The following RAPGEF1 variants were observed in gnomAD, a reference collection of about 807,000 sequenced individuals.
RAPGEF1 encodes the protein CRK SH3-binding GNRP.
Under a neutral mutation model 143.3 loss-of-function variants are expected in RAPGEF1, and 33 were observed. That is an observed-to-expected ratio of 0.23 (90% confidence interval 0.17 to 0.31). The LOEUF is 0.31. RAPGEF1 is among the 10% of genes least tolerant of loss of function. The pLI is 1.00. For synonymous variants in RAPGEF1, 629 were observed against 676.5 expected, an observed-to-expected ratio of 0.93 and a Z score of 1.09; for missense variants, 1,199 against 1,645.4, an observed-to-expected ratio of 0.73 and a Z score of 4.69.
At chr9:131,703,697 C>G (rs1475540337) in intron 1 of RAPGEF1, among the ~76,000 whole-genome samples, 1 of 152,222 alleles carries the variant, frequency 6.6e-6, no homozygotes, top group Non-Finnish European at 1.5e-5. Context: ...ATAAAAAGCA[C>G]TCCTATGATC....
intron 1 of RAPGEF1, among the ~76,000 whole-genome samples, chr9:131,660,113 C>T (rs543820825): frequency 2.6e-5 from 4 of 152,294 alleles, no homozygotes; most frequent in African/African-American, 4.8e-5. Flanking sequence ...GCACTGCACC[C>T]GGCCTGGAGT....
At position 131,621,900 on chromosome 9, in the gene RAPGEF1, T is replaced by A. The variant is rs546552596; in HGVS notation, c.1801A>T (p.Lys601Ter). Reference sequence around the variant, plus strand: ...AAGCCGTATACCTCCATGAGGAGCTTGTTCTTCTGCTGGTAGATGTGCTCG... The same window carrying A: ...AAGCCGTATACCTCCATGAGGAGCTAGTTCTTCTGCTGGTAGATGTGCTCG... ...QNEHIYQQKN[K>*]LLMEVYGFSD... The change falls in exon 11 of 27, where the codon AAG becomes TAG. Residue 601 changes from lysine (K) to a stop codon, truncating the protein, a stop_gained. Coordinates refer to ENST00000683357, the MANE Select transcript of RAPGEF1 (RefSeq NM_001377935.1). LOFTEE classifies it high-confidence loss of function. The surrounding 1 kb of genome is among the most constrained non-coding windows in gnomAD (Gnocchi z 4.5). 1 of 1,613,738 alleles carries A rather than the reference T, an allele frequency of 6.2e-7. No individual in the cohort carries two copies. The highest frequency in any genetic ancestry group is 1.3e-5 in the African/African-American group (1 of 75,040).
intron 1 of RAPGEF1, among the ~76,000 whole-genome samples, chr9:131,677,137 C>T (rs1379584408): frequency 1.3e-5 from 2 of 152,224 alleles, no homozygotes; most frequent in Non-Finnish European, 2.9e-5. Flanking sequence ...ACTGGGGACA[C>T]CAGGGGAACT....
At chr9:131,601,036 G>A (rs545898422) in intron 15 of RAPGEF1, among the ~76,000 whole-genome samples, 1 of 152,190 alleles carries the variant, frequency 6.6e-6, no homozygotes, top group South Asian at 2.1e-4. Context: ...GCCGGGCATG[G>A]TGGCACATGC....
intron 1 of RAPGEF1, among the ~76,000 whole-genome samples, chr9:131,719,645 T>C (rs1459753408): frequency 2.1e-5 from 3 of 144,128 alleles, no homozygotes; most frequent in Non-Finnish European, 4.5e-5. Flanking sequence ...ACTTAGCCCA[T>C]GCAGTACCAG....
intron 1 of RAPGEF1, among the ~76,000 whole-genome samples, chr9:131,717,080 T>C (rs1419799317): frequency 6.6e-6 from 1 of 152,162 alleles, no homozygotes; most frequent in Non-Finnish European, 1.5e-5. Context: ...CTGCTTCACT[T>C]GGACCATGGC....
Position 131,688,540 on chromosome 9 carries a change from A to G in RAPGEF1, c.62-37591T>C, listed in dbSNP as rs1173592044. On this transcript the variant is annotated intron_variant, in intron 1 of 26. Transcript: ENST00000683357. The stretch of plus-strand genomic sequence containing the variant: ...CTTTGAAACTCTGTAAGAAATTTAC[A>G]TCTATAAAGGAAATCTCCATTTTGT... Among the ~76,000 whole-genome samples, 4 of 152,208 alleles carry G rather than the reference A, an allele frequency of 2.6e-5. No homozygotes were observed. In the South Asian group the frequency reaches 8.3e-4, roughly 31 times the overall value.
At chr9:131,674,948 T>C (rs1210858987) in intron 1 of RAPGEF1, among the ~76,000 whole-genome samples, 1 of 151,530 alleles carries the variant, frequency 6.6e-6, no homozygotes, top group East Asian at 2.0e-4. Context: ...CTCCCCAAGG[T>C]GAATGCTTAA....
chr9:131,722,073 G>A (rs561903760), intron 1 of RAPGEF1, among the ~76,000 whole-genome samples: 4 of 152,084 alleles, frequency 2.6e-5, no homozygotes, highest in East Asian at 1.9e-4. Flanking sequence ...AATCGATAAC[G>A]CCTTACATGT....
rs1209930386 is a variant in RAPGEF1, at chr9:131,577,351, A to G, written c.*2146T>C. ...GGGCCAGGCACAGGGTCTGTTCTGA[A>G]TTCAGGGAAGGTGAAGAGACCCCAC... is the stretch of plus-strand genomic sequence containing the variant. On this transcript the variant is annotated 3_prime_UTR_variant, in exon 27 of 27. Coordinates refer to ENST00000683357, the MANE Select transcript of RAPGEF1 (RefSeq NM_001377935.1). 1 of 152,314 alleles carries G rather than the reference A, an allele frequency of 6.6e-6. No homozygotes were observed. The highest frequency in any genetic ancestry group is 1.5e-5 in the Non-Finnish European group (1 of 68,084). 9.4% of individuals were successfully genotyped at this position (152,314 alleles called of 1,614,324 possible).
Position 131,592,402 on chromosome 9 carries a change from G to A in RAPGEF1, c.2690-219C>T, listed in dbSNP as rs527411215. Among the ~76,000 whole-genome samples, 40 of 152,292 alleles carry A rather than the reference G, an allele frequency of 2.6e-4. No homozygotes were observed. In the East Asian group the frequency reaches 6.8e-3, roughly 26 times the overall value. On this transcript the variant is annotated intron_variant, in intron 17 of 26. Transcript: ENST00000683357. ...TCTCTGTCCATCTCTCAAAGGAAAC[G>A]GCAGATCAGAGAGGGGAAACAGGAA...
chr9:131,658,185 C>T (rs1564639361), intron 1 of RAPGEF1, among the ~76,000 whole-genome samples: 1 of 152,256 alleles, frequency 6.6e-6, no homozygotes, highest in Non-Finnish European at 1.5e-5. Context: ...TTGATTCTTA[C>T]AGATATTGCA....
chr9:131,659,188 A>G (rs1402193150), intron 1 of RAPGEF1, among the ~76,000 whole-genome samples: 2 of 152,256 alleles, frequency 1.3e-5, no homozygotes, highest in Non-Finnish European at 2.9e-5. Flanking sequence ...GATTGAGGAC[A>G]TTAGGAAAAG....
chr9:131,666,492 T>G (rs750069891), intron 1 of RAPGEF1, among the ~76,000 whole-genome samples: 2 of 152,118 alleles, frequency 1.3e-5, no homozygotes, highest in Non-Finnish European at 2.9e-5. Context: ...GTTCAAGTGA[T>G]TCTTCTGCCT....
Position 131,657,971 on chromosome 9 carries a change from T to C in RAPGEF1, c.62-7022A>G, listed in dbSNP as rs1490869102. 5.3e-5 allele frequency among the ~76,000 whole-genome samples: 8 copies of C among 152,154 alleles called. 1 individual carries two copies. Among genetic ancestry groups the C allele is most frequent in the Admixed American group, 3.9e-4 (6 of 15,284 alleles). ...GGCCTGACACTCAGGCATGCTGGGGTGTATCAGTGATTTCGTTTTCAATGC... is the reference window on the plus strand; with the variant it reads ...GGCCTGACACTCAGGCATGCTGGGGCGTATCAGTGATTTCGTTTTCAATGC... On this transcript the variant is annotated intron_variant, in intron 1 of 26. Coordinates refer to ENST00000683357, the MANE Select transcript of RAPGEF1 (RefSeq NM_001377935.1).
At position 131,625,912 on chromosome 9, in the gene RAPGEF1, A is replaced by G. The variant is rs1228343957; in HGVS notation, c.1702+10T>C. On this transcript the variant is annotated intron_variant, in intron 10 of 26. Coordinates refer to ENST00000683357, the MANE Select transcript of RAPGEF1 (RefSeq NM_001377935.1). ...ATGCACTTCCTGACAACAGTGCAAC[A>G]AAGGCTTACTGTGTTTGTTTTTCTT... 3.9e-6 allele frequency: 6 copies of G among 1,541,914 alleles called. No individual in the cohort carries two copies. Among genetic ancestry groups the G allele is most frequent in the Non-Finnish European group, 5.3e-6 (6 of 1,139,868 alleles).
At chr9:131,738,720 A>G (rs898253537) in intron 1 of RAPGEF1, among the ~76,000 whole-genome samples, 1 of 152,194 alleles carries the variant, frequency 6.6e-6, no homozygotes. Flanking sequence ...GTAAACCCTC[A>G]ATAAAGCCTA....
intron 12 of RAPGEF1, 22 bp from the exon 13 acceptor site, chr9:131,605,210 C>CA: frequency 3.1e-6 from 4 of 1,279,674 alleles, no homozygotes; most frequent in South Asian, 1.3e-5. Context: ...AGGTGGAGAA[C>CA]AAACAAAAAC....
intron 1 of RAPGEF1, among the ~76,000 whole-genome samples, chr9:131,664,962 A>C (rs545049188): frequency 2.6e-5 from 4 of 152,198 alleles, no homozygotes; most frequent in Admixed American, 2.6e-4. Context: ...CTTCTTACAA[A>C]TACTGTATTA....
Sources: gnomAD v4.1 joint callset for allele counts (sites outside exome capture counted in the v4.1 genomes callset) on GRCh38, gnomAD v4.1.1 for gene constraint, Gnocchi (gnomAD v3.1) non-coding constraint, MANE v1.5 for transcripts, NCBI Gene and HGNC (gene_info 2026-07-23, HGNC 2026-07-21) for gene names.